The following ELK1 variants were observed in gnomAD, a reference collection of about 807,000 sequenced individuals.
ELK1 encodes the protein ETS transcription factor ELK1, also known as ETS domain-containing protein Elk-1.
For synonymous variants in ELK1, 163 were observed against 176.3 expected (o/e 0.92, Z 0.60); for missense variants, 254 against 381.5 (o/e 0.67, Z 2.78).
At chrX:47,647,678 T>C (rs1173239348) in intron 2 of ELK1, among the ~76,000 whole-genome samples, 1 of 112,374 alleles carries the variant, frequency 8.9e-6, no homozygotes, top group Non-Finnish European at 1.9e-5. Flanking sequence ...TTCCCATTTA[T>C]TCATGGGATA....
chrX:47,640,980 G>C (rs140724139), intron 3 of ELK1, among the ~76,000 whole-genome samples: 6 of 111,173 alleles, frequency 5.4e-5, no homozygotes, highest in Non-Finnish European at 1.1e-4. Context: ...ATCACTTTGG[G>C]GATCTCAGAG....
At chrX:47,648,137 G>GT (rs201000534) in intron 2 of ELK1, among the ~76,000 whole-genome samples, 3,789 of 102,204 alleles carry the variant, frequency 0.037, 148 homozygotes, top group African/African-American at 0.11. Flanking sequence ...TGTTTTTTGG[G>GT]TTTTTTTTTT....
chrX:47,645,655 C>T (rs748719202), intron 2 of ELK1, among the ~76,000 whole-genome samples: 15 of 112,150 alleles, frequency 1.3e-4, no homozygotes, highest in Non-Finnish European at 2.6e-4. Flanking sequence ...TCAGGCGGAG[C>T]GAACGGCGTG....
In ELK1 at chrX:47,638,192, G is replaced by A; in HGVS notation, c.655-10C>T. ...GCGGGGTCAGGATGACCTGGTAGAG[G>A]AGCAGGCACAAAGAGGGTGTGTAAG... On this transcript the variant is annotated splice_polypyrimidine_tract_variant and intron_variant, in intron 4 of 6. Transcript: ENST00000376983. 1.7e-6 allele frequency: 2 copies of A among 1,205,285 alleles called. No homozygotes were observed. Among genetic ancestry groups the A allele is most frequent in the Non-Finnish European group, 2.2e-6 (2 of 892,235 alleles).
chrX:47,641,199 G>A (rs369766083), intron 3 of ELK1, 33 bp downstream of exon 3: 65 of 1,190,249 alleles, frequency 5.5e-5, no homozygotes, highest in Middle Eastern at 2.3e-4. Flanking sequence ...AAATGTCAGG[G>A]GGGGGTTCCA....
chrX:47,650,115 G>C (rs2058056461), intron 1 of ELK1, 89 bp from the exon 2 acceptor site: 1 of 99,489 alleles, frequency 1.0e-5, no homozygotes, highest in African/African-American at 3.8e-5. Flanking sequence ...GGGGTGGGTG[G>C]GGGGCGGGTG....
In ELK1 at chrX:47,639,416, G is replaced by C. The variant is rs2235183; in HGVS notation, c.211-78C>G. On this transcript the variant is annotated intron_variant, in intron 3 of 6. Coordinates refer to ENST00000376983, the MANE Select transcript of ELK1 (RefSeq NM_001114123.3). ...GGCAGGGTGTCAGGGGGGAGGAGGG[G>C]GGTGGAGTGGCATTTCTCTTCTCCT... is the stretch of plus-strand genomic sequence containing the variant. 40 of 850,964 alleles carry C rather than the reference G, an allele frequency of 4.7e-5. No individual in the cohort carries two copies. In the East Asian group the frequency reaches 1.3e-3, roughly 28 times the overall value. The allele number at this position is 850,964 out of a possible 1,213,427, so 70.1% of individuals were successfully genotyped here. A position where few individuals can be genotyped will look rare whatever the true frequency, so the allele number is the denominator to read the frequency against.
chrX:47,640,162 G>C (rs984585966), intron 3 of ELK1, among the ~76,000 whole-genome samples: 2 of 111,923 alleles, frequency 1.8e-5, no homozygotes, highest in African/African-American at 6.5e-5. Flanking sequence ...CATGTTTGGG[G>C]TTTTTCAGGT....
At chrX:47,646,862 C>T (rs758600430) in intron 2 of ELK1, among the ~76,000 whole-genome samples, 6 of 112,075 alleles carry the variant, frequency 5.4e-5, no homozygotes, top group Non-Finnish European at 1.1e-4. Flanking sequence ...TCCCCGCACT[C>T]TGCTCCAGCC....
intron 5 of ELK1, 55 bp downstream of exon 5, chrX:47,637,696 T>A: frequency 8.9e-7 from 1 of 1,125,933 alleles, no homozygotes; most frequent in Non-Finnish European, 1.2e-6. Context: ...ACCCGCCACA[T>A]GCCAATCCCA....
At chrX:47,643,848 G>C (rs1488505984) in intron 2 of ELK1, among the ~76,000 whole-genome samples, 1 of 111,613 alleles carries the variant, frequency 9.0e-6, no homozygotes, top group Non-Finnish European at 1.9e-5. Flanking sequence ...ATGTGGCAAA[G>C]CCAGCATTTG....
intron 5 of ELK1, 151 bp downstream of exon 5, chrX:47,637,600 G>A: frequency 1.3e-6 from 1 of 741,611 alleles, no homozygotes; most frequent in Non-Finnish European, 1.9e-6. Flanking sequence ...CATCCCTCCA[G>A]CCAGCATCAG....
intron 3 of ELK1, among the ~76,000 whole-genome samples, chrX:47,640,556 A>T (rs1161713207): frequency 9.0e-6 from 1 of 111,086 alleles, no homozygotes. Flanking sequence ...GGATGGGGGA[A>T]ATTTTAAATT....
chrX:47,647,926 CTTTT>C (rs1194789075), intron 2 of ELK1, among the ~76,000 whole-genome samples: 3 of 112,229 alleles, frequency 2.7e-5, no homozygotes, highest in African/African-American at 6.5e-5. Flanking sequence ...GAGGGGTTGA[CTTTT>C]TTTGTTTTTA....
chrX:47,645,074 G>A, intron 2 of ELK1, among the ~76,000 whole-genome samples: 1 of 110,397 alleles, frequency 9.1e-6, no homozygotes, highest in East Asian at 2.8e-4. Context: ...GAAGGGTCCA[G>A]GGTGAGTCTA....
intron 5 of ELK1, 37 bp from the exon 6 acceptor site, chrX:47,637,151 A>G: frequency 4.3e-6 from 5 of 1,150,452 alleles, no homozygotes; most frequent in Non-Finnish European, 5.9e-6. Flanking sequence ...AAGTGAGTAG[A>G]AAGTAGATGT....
chrX:47,648,159 G>C (rs1399104773), intron 2 of ELK1, among the ~76,000 whole-genome samples: 1 of 109,588 alleles, frequency 9.1e-6, no homozygotes, highest in Non-Finnish European at 1.9e-5. Context: ...CAGAAAAAGG[G>C]ATCTCGCTAT....
intron 2 of ELK1, among the ~76,000 whole-genome samples, chrX:47,646,666 G>C (rs917219497): frequency 1.8e-5 from 2 of 112,440 alleles, no homozygotes; most frequent in African/African-American, 6.5e-5. Context: ...AGGCACCACC[G>C]TGTGGTAAAC....
At position 47,641,222 on chromosome X, in the gene ELK1, G is replaced by C; in HGVS notation, c.210+10C>G. The C allele has an allele frequency of 8.3e-7, 1 of 1,211,245 alleles. No homozygotes were observed. Among genetic ancestry groups the C allele is most frequent in the Non-Finnish European group, 1.1e-6 (1 of 894,811 alleles). On this transcript the variant is annotated intron_variant, in intron 3 of 6. Coordinates refer to ENST00000376983, the MANE Select transcript of ELK1 (RefSeq NM_001114123.3). ...GGGGGGGGTTCCAGCCCTGGTCTGA[G>C]AGACTGTACCTTGTCATAGTAGTAC...
Sources: gnomAD v4.1 joint callset for allele counts (sites outside exome capture counted in the v4.1 genomes callset) on GRCh38, gnomAD v4.1.1 for gene constraint, MANE v1.5 for transcripts, NCBI Gene and HGNC (gene_info 2026-07-23, HGNC 2026-07-21) for gene names.